TENM2: variants seen among roughly 807,000 people sequenced by gnomAD.
TENM2 encodes the protein teneurin-2.
A neutral mutation model predicts 245.2 loss-of-function variants in TENM2; 52 were observed. The ratio of observed to expected loss-of-function variants is 0.21; its 90% CI spans 0.17 to 0.27. The LOEUF (loss-of-function observed/expected upper bound fraction) is 0.27. TENM2 is among the 10% of genes least tolerant of loss of function. The pLI is 1.00. For missense variants in TENM2, 3,046 were observed against 3,666.8 expected, an observed-to-expected ratio of 0.83 and a Z score of 4.37; for synonymous variants, 1,363 against 1,438.9, an observed-to-expected ratio of 0.95 and a Z score of 1.19.
chr5:167,125,878 C>G, the TENM2 span, among the ~76,000 whole-genome samples: 1 of 152,186 alleles, frequency 6.6e-6, no homozygotes, highest in South Asian at 2.1e-4. Context: ...TTAACACTTG[C>G]TGCAGGTCAC....
intron 2 of TENM2, among the ~76,000 whole-genome samples, chr5:167,614,462 T>G (rs1777660109): frequency 6.6e-6 from 1 of 152,152 alleles, no homozygotes; most frequent in Non-Finnish European, 1.5e-5. Flanking sequence ...GCCCCAGGCT[T>G]CTGTGCCTTG....
At chr5:168,038,625 G>C (rs1787911702) in intron 5 of TENM2, among the ~76,000 whole-genome samples, 1 of 152,218 alleles carries the variant, frequency 6.6e-6, no homozygotes, top group South Asian at 2.1e-4. Flanking sequence ...TCATAGCTAA[G>C]GAGAGTGAAG....
chr5:167,375,598 C>G, intron 2 of TENM2, 125 bp downstream of exon 4: 2 of 1,035,160 alleles, frequency 1.9e-6, no homozygotes, highest in Non-Finnish European at 2.8e-6. Flanking sequence ...TCGACCTTGT[C>G]TACCCAGTGT....
At chr5:167,000,094 A>C in the TENM2 span, among the ~76,000 whole-genome samples, 45 of 152,310 alleles carry the variant, frequency 3.0e-4, no homozygotes, top group Middle Eastern at 3.4e-3. Context: ...CTGGATTGGA[A>C]ACTCCATCAG....
At chr5:167,845,411 T>C (rs1769955243) in intron 2 of TENM2, among the ~76,000 whole-genome samples, 1 of 152,146 alleles carries the variant, frequency 6.6e-6, no homozygotes, top group African/African-American at 2.4e-5. Context: ...CCAAGACCTG[T>C]TCTTAATCAC....
intron 2 of TENM2, among the ~76,000 whole-genome samples, chr5:167,622,800 A>G (rs1474461416): frequency 1.3e-5 from 2 of 152,158 alleles, no homozygotes; most frequent in East Asian, 3.9e-4. Flanking sequence ...TCAAACATCC[A>G]AAGAGGAGAC....
chr5:167,473,891 T>C, intron 2 of TENM2, among the ~76,000 whole-genome samples: 1 of 152,164 alleles, frequency 6.6e-6, no homozygotes, highest in Non-Finnish European at 1.5e-5. Context: ...TCAATGAGCA[T>C]CATCAACTCA....
At chr5:167,780,046 A>T (rs991590952) in intron 2 of TENM2, among the ~76,000 whole-genome samples, 2 of 152,226 alleles carry the variant, frequency 1.3e-5, no homozygotes, top group African/African-American at 4.8e-5. Context: ...CAAAGCATGG[A>T]ATAAACAACA....
chr5:167,984,296 A>G (rs1476662950), intron 4 of TENM2, among the ~76,000 whole-genome samples: 2 of 152,248 alleles, frequency 1.3e-5, no homozygotes, highest in Non-Finnish European at 2.9e-5. Flanking sequence ...AAGAAGGCTG[A>G]CTACAAACAT....
At chr5:167,391,622 C>CAAAAAA (rs56202184) in intron 2 of TENM2, among the ~76,000 whole-genome samples, 7 of 53,504 alleles carry the variant, frequency 1.3e-4, no homozygotes, top group South Asian at 8.3e-4. Flanking sequence ...AAGACTTCAT[C>CAAAAAA]AAAAAAAAAA....
At chr5:167,929,768 G>T (rs1778141173) in intron 3 of TENM2, among the ~76,000 whole-genome samples, 2 of 152,166 alleles carry the variant, frequency 1.3e-5, no homozygotes, top group African/African-American at 4.8e-5. Flanking sequence ...TTGCTACATG[G>T]GAGAGTGGAT....
intron 2 of TENM2, among the ~76,000 whole-genome samples, chr5:167,875,717 C>G (rs1241264490): frequency 6.6e-6 from 1 of 152,076 alleles, no homozygotes; most frequent in African/African-American, 2.4e-5. Context: ...GTAAAAGAAA[C>G]TGGATGGTTG....
At chr5:167,612,891 A>G (rs1286971925) in intron 2 of TENM2, among the ~76,000 whole-genome samples, 1 of 152,158 alleles carries the variant, frequency 6.6e-6, no homozygotes, top group East Asian at 1.9e-4. Flanking sequence ...GGATGTGTCC[A>G]CTGGAGAGTT....
At chr5:167,153,104 C>T in the TENM2 span, among the ~76,000 whole-genome samples, 1 of 151,432 alleles carries the variant, frequency 6.6e-6, no homozygotes, top group African/African-American at 2.4e-5. Context: ...TACATACACA[C>T]ACACACACAC....
the TENM2 span, among the ~76,000 whole-genome samples, chr5:167,128,262 C>T: frequency 6.6e-6 from 1 of 152,120 alleles, no homozygotes; most frequent in Non-Finnish European, 1.5e-5. Context: ...CATTTCTCAG[C>T]ATGGCCTACA....
the TENM2 span, among the ~76,000 whole-genome samples, chr5:166,984,039 A>C: frequency 1.3e-5 from 2 of 152,260 alleles, no homozygotes; most frequent in African/African-American, 2.4e-5. Context: ...CTGTTGACTA[A>C]ATTATTTAGC....
intron 7 of TENM2, among the ~76,000 whole-genome samples, chr5:168,085,745 G>A (rs905888127): frequency 3.3e-5 from 5 of 152,192 alleles, no homozygotes; most frequent in South Asian, 2.1e-4. Flanking sequence ...AGGAGTGAGC[G>A]ACCCACTGCA....
chr5:168,194,591 G>A (rs138620841), intron 14 of TENM2, among the ~76,000 whole-genome samples: 54 of 152,256 alleles, frequency 3.5e-4, no homozygotes, highest in Non-Finnish European at 7.1e-4. Flanking sequence ...TTTATTGAAT[G>A]TGTATATTGA....
At chr5:167,464,838 CTAAG>C (rs1442265189) in intron 2 of TENM2, among the ~76,000 whole-genome samples, 4 of 152,068 alleles carry the variant, frequency 2.6e-5, no homozygotes, top group Non-Finnish European at 5.9e-5. Context: ...TAATTTCTCT[CTAAG>C]TAAATTTTCT....
Sources: allele counts gnomAD v4.1 joint callset (sites outside exome capture counted in the v4.1 genomes callset), GRCh38; gene constraint gnomAD v4.1.1; transcripts MANE v1.5; gene names NCBI Gene and HGNC (gene_info 2026-07-23, HGNC 2026-07-21).